CFAP95: variants seen among roughly 807,000 people sequenced by gnomAD.
CFAP95 encodes the protein cilia and flagella associated protein 95.
At chr9:69,894,504 CT>C in the CFAP95 span, among the ~76,000 whole-genome samples, 1 of 152,158 alleles carries the variant, frequency 6.6e-6, no homozygotes, top group Non-Finnish European at 1.5e-5. Context: ...CACTTATTGT[CT>C]ACCATGTTCC....
the CFAP95 span, among the ~76,000 whole-genome samples, chr9:69,846,179 A>G: frequency 6.6e-6 from 1 of 152,144 alleles, no homozygotes; most frequent in Non-Finnish European, 1.5e-5. Context: ...TTTGATTCCT[A>G]TATAGAAATG....
At chr9:69,822,902 C>T in the CFAP95 span, among the ~76,000 whole-genome samples, 1 of 152,160 alleles carries the variant, frequency 6.6e-6, no homozygotes, top group South Asian at 2.1e-4. Context: ...ATGCACTTTG[C>T]TACATGTTGG....
the CFAP95 span, among the ~76,000 whole-genome samples, chr9:69,834,463 G>A: frequency 1.3e-5 from 2 of 152,216 alleles, no homozygotes; most frequent in African/African-American, 2.4e-5. Context: ...ATCAATTGCA[G>A]TGTTGCCCTA....
the CFAP95 span, among the ~76,000 whole-genome samples, chr9:69,841,438 G>T: frequency 1.3e-5 from 2 of 151,908 alleles, no homozygotes; most frequent in East Asian, 3.9e-4. Context: ...TTGGGTCTTA[G>T]CATAAGCCTG....
the CFAP95 span, among the ~76,000 whole-genome samples, chr9:69,823,677 G>A: frequency 6.6e-6 from 1 of 152,222 alleles, no homozygotes; most frequent in African/African-American, 2.4e-5. Context: ...CAACAAGGCT[G>A]TTTATTTCAC....
At chr9:69,839,820 A>G in the CFAP95 span, among the ~76,000 whole-genome samples, 1 of 151,720 alleles carries the variant, frequency 6.6e-6, no homozygotes, top group African/African-American at 2.4e-5. Context: ...TCCCGCCTGT[A>G]ATCCCAGCAC....
At chr9:69,862,602 C>T in the CFAP95 span, among the ~76,000 whole-genome samples, 14 of 152,004 alleles carry the variant, frequency 9.2e-5, no homozygotes, top group Admixed American at 6.5e-4. Flanking sequence ...GCTCAGTGGA[C>T]CAAAATATGC....
the CFAP95 span, among the ~76,000 whole-genome samples, chr9:69,887,811 C>G: frequency 4.6e-5 from 7 of 152,156 alleles, no homozygotes; most frequent in African/African-American, 1.7e-4. Context: ...ACCTTTTAAG[C>G]TCTGAGCCAC....
At chr9:69,845,554 C>T in the CFAP95 span, among the ~76,000 whole-genome samples, 2 of 152,190 alleles carry the variant, frequency 1.3e-5, no homozygotes, top group African/African-American at 2.4e-5. Context: ...ATTCTCCATT[C>T]TGCAAGGTAA....
the CFAP95 span, among the ~76,000 whole-genome samples, chr9:69,899,643 G>C: frequency 6.6e-6 from 1 of 152,196 alleles, no homozygotes; most frequent in Non-Finnish European, 1.5e-5. Flanking sequence ...TCCCTGATTA[G>C]AATGACCCAC....
chr9:69,864,952 G>A, the CFAP95 span, among the ~76,000 whole-genome samples: 1 of 152,158 alleles, frequency 6.6e-6, no homozygotes, highest in Non-Finnish European at 1.5e-5. Context: ...CTATGGTGAT[G>A]ATGATATGGT....
At chr9:69,890,943 C>T in the CFAP95 span, among the ~76,000 whole-genome samples, 1 of 152,106 alleles carries the variant, frequency 6.6e-6, no homozygotes, top group African/African-American at 2.4e-5. Context: ...AAGAAAATTG[C>T]AACCCGTTTA....
the CFAP95 span, among the ~76,000 whole-genome samples, chr9:69,880,890 T>C: frequency 6.6e-6 from 1 of 152,216 alleles, no homozygotes. Flanking sequence ...TAGTTTTGGT[T>C]TGCATTTCTC....
At chr9:69,886,411 G>T in the CFAP95 span, among the ~76,000 whole-genome samples, 1 of 152,156 alleles carries the variant, frequency 6.6e-6, no homozygotes, top group African/African-American at 2.4e-5. Context: ...TTATAAAGAA[G>T]AAAAGAAAAA....
the CFAP95 span, among the ~76,000 whole-genome samples, chr9:69,861,932 C>T: frequency 2.0e-5 from 3 of 152,198 alleles, no homozygotes; most frequent in South Asian, 4.1e-4. Flanking sequence ...CACTCCACTC[C>T]CCATAACTTG....
the CFAP95 span, among the ~76,000 whole-genome samples, chr9:69,875,567 C>T: frequency 6.6e-6 from 1 of 152,030 alleles, no homozygotes; most frequent in Non-Finnish European, 1.5e-5. Context: ...GAGAGATACC[C>T]AAAAGCTGAC....
chr9:69,852,171 T>A, the CFAP95 span, among the ~76,000 whole-genome samples: 45 of 152,074 alleles, frequency 3.0e-4, no homozygotes, highest in African/African-American at 1.0e-3. Context: ...ATATATTTTT[T>A]TTTTTTTGGC....
At chr9:69,844,741 C>T in the CFAP95 span, 3 of 632,174 alleles carry the variant, frequency 4.7e-6, no homozygotes, top group South Asian at 2.6e-5. Flanking sequence ...GTGTTAGTTA[C>T]TTAGATGACT....
chr9:69,872,750 T>C, the CFAP95 span, among the ~76,000 whole-genome samples: 1 of 152,076 alleles, frequency 6.6e-6, no homozygotes, highest in Non-Finnish European at 1.5e-5. Flanking sequence ...GTTGAGAGGT[T>C]GAGGTGGGAG....
Sources: gnomAD v4.1 joint callset for allele counts (sites outside exome capture counted in the v4.1 genomes callset) on GRCh38, gnomAD v4.1.1 for gene constraint, MANE v1.5 for transcripts, NCBI Gene and HGNC (gene_info 2026-07-23, HGNC 2026-07-21) for gene names.